BCAS3: variants seen among roughly 807,000 people sequenced by gnomAD.
The protein encoded by BCAS3 is BCAS4/BCAS3 fusion.
BCAS3 carries 53 observed loss-of-function variants against 116.1 expected under a neutral mutation model. The observed-to-expected ratio is 0.46, with a 90% CI of 0.37 to 0.57. The LOEUF (loss-of-function observed/expected upper bound fraction) is 0.57, where lower values mean the gene tolerates loss of function less well. BCAS3 is among the 20% of genes least tolerant of loss of function. BCAS3 has a pLI of 0.00. For synonymous variants in BCAS3, 391 were observed against 408.2 expected (o/e 0.96, Z 0.51); for missense variants, 917 against 1,165.4 (o/e 0.79, Z 3.10).
At chr17:60,867,878 G>A (rs1308153010) in intron 7 of BCAS3, among the ~76,000 whole-genome samples, 1 of 151,914 alleles carries the variant, frequency 6.6e-6, no homozygotes. Context: ...CATATTTTAT[G>A]GGTGTTTGCT....
At chr17:60,721,696 A>G (rs1482824508) in intron 5 of BCAS3, among the ~76,000 whole-genome samples, 4 of 152,152 alleles carry the variant, frequency 2.6e-5, no homozygotes, top group Non-Finnish European at 5.9e-5. Context: ...TTTTTTTCTG[A>G]TAAATGTTAT....
chr17:60,894,427 A>C (rs185168865), intron 10 of BCAS3, among the ~76,000 whole-genome samples: 8 of 152,286 alleles, frequency 5.3e-5, no homozygotes, highest in Admixed American at 5.2e-4. Flanking sequence ...CTGCAACTTT[A>C]CTGAATCCGT....
chr17:60,717,217 C>CTT (rs568833782), intron 5 of BCAS3, among the ~76,000 whole-genome samples: 190 of 133,914 alleles, frequency 1.4e-3, no homozygotes, highest in African/African-American at 5.2e-3. Context: ...TCTTCTTCTT[C>CTT]TTTTTTTTTT....
chr17:61,176,613 A>G (rs113480302), intron 22 of BCAS3, among the ~76,000 whole-genome samples: 3 of 151,848 alleles, frequency 2.0e-5, no homozygotes, highest in African/African-American at 7.3e-5. Context: ...GCTGGAGTGC[A>G]CTGGTGCTAT....
In BCAS3 at chr17:61,226,976, G is replaced by A. The variant is rs1198509511; in HGVS notation, c.2426-141351G>A. Among the ~76,000 whole-genome samples the A allele has an allele frequency of 6.6e-6, 1 of 152,170 alleles. No individual in the cohort carries two copies. Among genetic ancestry groups the A allele is most frequent in the African/African-American group, 2.4e-5 (1 of 41,430 alleles). ...AGATAAATAAAATATGCTCTGGTGG[G>A]CCTTCCTGATGGGACCCTCGAGGGA... On this transcript the variant is annotated intron_variant, in intron 22 of 23. Coordinates refer to ENST00000407086, the MANE Select transcript of BCAS3 (RefSeq NM_017679.5). This position sits in a 1 kb window ranked among gnomAD's most constrained non-coding sequence, Gnocchi z 6.0.
In BCAS3 at chr17:60,995,234, C is replaced by T. The variant is rs1326909364; in HGVS notation, c.1486+4999C>T. Among the ~76,000 whole-genome samples the T allele has an allele frequency of 6.6e-6, 1 of 151,986 alleles. No homozygotes were observed. On this transcript the variant is annotated intron_variant, in intron 15 of 23. Transcript: ENST00000407086. This position sits in a 1 kb window ranked among gnomAD's most constrained non-coding sequence, Gnocchi z 4.7. ...GTGGTGCAATCTTGGCTTGCTGCAACCTCCACCTCCCGGGTTCAAGTGATT... is the reference window on the plus strand; with the variant it reads ...GTGGTGCAATCTTGGCTTGCTGCAATCTCCACCTCCCGGGTTCAAGTGATT...
At chr17:61,119,657 A>T (rs996753158) in intron 22 of BCAS3, among the ~76,000 whole-genome samples, 1 of 152,064 alleles carries the variant, frequency 6.6e-6, no homozygotes, top group Non-Finnish European at 1.5e-5. Context: ...ATTACTCTAG[A>T]TGTAGATATT....
rs376244386 is a variant in BCAS3 at position 60,902,734 on chromosome 17, GGTT to G, written c.822+32_822+34del. On this transcript the variant is annotated intron_variant, in intron 11 of 23. Transcript: ENST00000407086. Reference sequence around the variant, plus strand: ...TACCTCCGAAATCTTGGAGAGTTGTGGTTATGTGTAGTAATTGTTCAGATTTCT... The same window carrying G: ...TACCTCCGAAATCTTGGAGAGTTGTGATGTGTAGTAATTGTTCAGATTTCT... 246 of 1,479,272 alleles carry G rather than the reference GGTT, an allele frequency of 1.7e-4. 1 individual carries two copies. In the African/African-American group the frequency reaches 3.0e-3, roughly 18 times the overall value. The allele number at this position is 1,479,272 out of a possible 1,614,324, so 91.6% of individuals were successfully genotyped here. A position where few individuals can be genotyped will look rare whatever the true frequency, so the allele number is the denominator to read the frequency against.
chr17:60,799,149 A>C (rs2047473659), intron 6 of BCAS3, among the ~76,000 whole-genome samples: 1 of 152,192 alleles, frequency 6.6e-6, no homozygotes, highest in African/African-American at 2.4e-5. Context: ...TACTTTTTAA[A>C]ATAGCAAACC....
intron 9 of BCAS3, among the ~76,000 whole-genome samples, chr17:60,877,093 A>T (rs1432104268): frequency 2.0e-5 from 3 of 152,002 alleles, no homozygotes; most frequent in Non-Finnish European, 4.4e-5. Context: ...AGATGAAGAA[A>T]ATTATTTATA....
At chr17:61,006,548 G>A (rs904590726) in intron 15 of BCAS3, among the ~76,000 whole-genome samples, 19 of 152,134 alleles carry the variant, frequency 1.2e-4, no homozygotes, top group Middle Eastern at 3.4e-3. Flanking sequence ...GGTAAAGATG[G>A]GAGAGTTGAG....
chr17:60,753,894 T>A (rs2042738633), intron 6 of BCAS3, among the ~76,000 whole-genome samples: 1 of 152,194 alleles, frequency 6.6e-6, no homozygotes, highest in Non-Finnish European at 1.5e-5. Context: ...TTCTATGCAG[T>A]GACTTGCATA....
At chr17:60,963,086 G>C (rs566986919) in intron 14 of BCAS3, among the ~76,000 whole-genome samples, 1 of 152,064 alleles carries the variant, frequency 6.6e-6, no homozygotes, top group Non-Finnish European at 1.5e-5. Context: ...AGTACGTTCC[G>C]TTGGTCTGTG....
At chr17:60,924,989 C>G (rs2145161531) in intron 13 of BCAS3, among the ~76,000 whole-genome samples, 1 of 151,806 alleles carries the variant, frequency 6.6e-6, no homozygotes, top group Admixed American at 6.6e-5. Context: ...TTTAATATAG[C>G]ATACAATTTG....
In BCAS3 at chr17:60,960,580, G is replaced by A. The variant is rs1014449563; in HGVS notation, c.1221+13228G>A. 3.3e-5 allele frequency among the ~76,000 whole-genome samples: 5 copies of A among 152,102 alleles called. No homozygotes were observed. The highest frequency in any genetic ancestry group is 5.9e-5 in the Non-Finnish European group (4 of 68,016). Reference sequence around the variant, plus strand: ...TTGAGGCACTGCCCTCCTGGACTGCGGCTTCATTTTCTGGGCCTGTGGCTC... The same window carrying A: ...TTGAGGCACTGCCCTCCTGGACTGCAGCTTCATTTTCTGGGCCTGTGGCTC... On this transcript the variant is annotated intron_variant, in intron 14 of 23. Transcript: ENST00000407086. This position sits in a 1 kb window ranked among gnomAD's most constrained non-coding sequence, Gnocchi z 4.1.
intron 22 of BCAS3, among the ~76,000 whole-genome samples, chr17:61,253,290 C>T (rs932067264): frequency 5.9e-5 from 9 of 151,696 alleles, no homozygotes; most frequent in African/African-American, 1.7e-4. Flanking sequence ...CGGTGGCTCA[C>T]GCCTGTAATC....
chr17:60,770,400 CTTTT>C (rs35691381), intron 6 of BCAS3, among the ~76,000 whole-genome samples: 28 of 76,874 alleles, frequency 3.6e-4, no homozygotes, highest in African/African-American at 8.9e-4. Context: ...AGTGTTCCCT[CTTTT>C]TTTTTTTTTT....
intron 13 of BCAS3, among the ~76,000 whole-genome samples, chr17:60,929,301 T>C (rs1404659836): frequency 6.6e-6 from 1 of 152,126 alleles, no homozygotes; most frequent in African/African-American, 2.4e-5. Context: ...GGCACGTGCC[T>C]GTAGTCCCAG....
rs926305190 is a variant in BCAS3, at chr17:61,391,070, A to G, written c.2594-907A>G. 6.6e-6 allele frequency: 1 copy of G among 152,278 alleles called. No homozygotes were observed. Among genetic ancestry groups the G allele is most frequent in the African/African-American group, 2.4e-5 (1 of 41,468 alleles). 9.4% of individuals were successfully genotyped at this position (152,278 alleles called of 1,614,324 possible). On this transcript the variant is annotated intron_variant, in intron 23 of 23. Coordinates refer to ENST00000407086, the MANE Select transcript of BCAS3 (RefSeq NM_017679.5). The surrounding 1 kb of genome is among the most constrained non-coding windows in gnomAD (Gnocchi z 7.7). Reference sequence around the variant, plus strand: ...TAATTGGTTCTTCCTTGCACTCAGCAAGCAGGGAATTCCATTCCCAACCCA... The same window carrying G: ...TAATTGGTTCTTCCTTGCACTCAGCGAGCAGGGAATTCCATTCCCAACCCA...
Sources: gnomAD v4.1 joint callset for allele counts (sites outside exome capture counted in the v4.1 genomes callset) on GRCh38, gnomAD v4.1.1 for gene constraint, Gnocchi (gnomAD v3.1) non-coding constraint, MANE v1.5 for transcripts, NCBI Gene and HGNC (gene_info 2026-07-23, HGNC 2026-07-21) for gene names.